MYO5B: variants seen among roughly 807,000 people sequenced by gnomAD.
MYO5B encodes unconventional myosin-Vb.
Under a neutral mutation model 229.3 loss-of-function variants are expected in MYO5B, and 143 were observed. The observed-to-expected ratio is 0.62, with a 90% confidence interval of 0.54 to 0.72. The LOEUF is 0.72. Among genes scored for constraint, MYO5B ranks in the 30% least tolerant of loss-of-function variants. MYO5B has a pLI of 0.00. For missense variants in MYO5B, 2,321 were observed against 2,331.0 expected, an observed-to-expected ratio of 1.00 and a Z score of 0.09; for synonymous variants, 918 against 885.2, an observed-to-expected ratio of 1.04 and a Z score of -0.66.
At position 49,826,747 on chromosome 18, in the gene MYO5B, C is replaced by T. The variant is rs987079118; in HGVS notation, c.5395-124G>A. 4.3e-6 allele frequency: 5 copies of T among 1,170,776 alleles called. No homozygotes were observed. In the African/African-American group the frequency reaches 4.6e-5, roughly 11 times the overall value. 72.5% of individuals were successfully genotyped at this position (1,170,776 alleles called of 1,614,324 possible). On this transcript the variant is annotated intron_variant, in intron 39 of 39. Coordinates refer to ENST00000285039, the MANE Select transcript of MYO5B (RefSeq NM_001080467.3). The stretch of plus-strand genomic sequence containing the variant: ...TTTCTACGACAATTAGGTAGAACTT[C>T]AGGACTAGGAGAATGTGATCTCCTC...
chr18:49,906,626 G>A lies in MYO5B; in HGVS notation c.2207C>T (p.Pro736Leu). Reference sequence around the variant, plus strand: ...GGTGCGGCCAAACTGGAACTTGTCGGGGTCCTTTACAAGGTAGGGAGGGGA... The same window carrying A: ...GGTGCGGCCAAACTGGAACTTGTCGAGGTCCTTTACAAGGTAGGGAGGGGA... The part of the protein sequence containing the change: ...RSVLENLIKD[P>L]DKFQFGRTKI... The change falls in exon 19 of 40, where the codon CCC becomes CTC. Residue 736 changes from proline to leucine, a missense_variant. Pro to Leu is a moderately conservative substitution (Grantham distance 98). Around this residue, in one of 2 missense-constraint regions of MYO5B, gnomAD observed 2,113 missense variants for 2,044.7 expected, o/e 1.03. Transcript: ENST00000285039. 1 of 1,613,802 alleles carries A rather than the reference G, an allele frequency of 6.2e-7. No homozygotes were observed. The highest frequency in any genetic ancestry group is 8.5e-7 in the Non-Finnish European group (1 of 1,179,856).
At chr18:49,907,770 C>G (rs1008706021) in intron 18 of MYO5B, among the ~76,000 whole-genome samples, 1 of 152,288 alleles carries the variant, frequency 6.6e-6, no homozygotes, top group African/African-American at 2.4e-5. Flanking sequence ...TGCAGCAGAG[C>G]TTCCAGCTTG....
chr18:50,187,514 T>A (rs2033164547), intron 1 of MYO5B, among the ~76,000 whole-genome samples: 1 of 152,008 alleles, frequency 6.6e-6, no homozygotes, highest in Non-Finnish European at 1.5e-5. Context: ...AAATGCTTTT[T>A]TTGGGGGGGT....
chr18:50,156,393 T>C (rs2032679781), intron 1 of MYO5B, among the ~76,000 whole-genome samples: 1 of 152,152 alleles, frequency 6.6e-6, no homozygotes, highest in Admixed American at 6.5e-5. Flanking sequence ...TGGGAGCAGT[T>C]TCCCCCATTC....
rs1599056439 is a variant in MYO5B, at chr18:50,147,255, T to C, written c.27+47512A>G. ...CTTCTTCCAACTACCCAAGTCAGGA[T>C]CCTAGGAGTCACCCTTAGCTCGCTC... On this transcript the variant is annotated intron_variant, in intron 1 of 39. Transcript: ENST00000285039. 3.3e-5 allele frequency among the ~76,000 whole-genome samples: 5 copies of C among 152,204 alleles called. No homozygotes were observed. In the South Asian group the frequency reaches 8.3e-4, roughly 25 times the overall value.
chr18:49,989,172 C>T (rs766807189), intron 7 of MYO5B, among the ~76,000 whole-genome samples: 2 of 152,106 alleles, frequency 1.3e-5, no homozygotes, highest in African/African-American at 2.4e-5. Context: ...GATGAACAAA[C>T]GCAAGAATTA....
At chr18:49,929,667 CAAA>C (rs996149084) in intron 16 of MYO5B, 69 bp from the exon 17 acceptor site, 1 of 1,349,566 alleles carries the variant, frequency 7.4e-7, no homozygotes, top group Non-Finnish European at 1.0e-6. Context: ...AAAAAAGAAA[CAAA>C]AAAGAATCTT....
intron 1 of MYO5B, among the ~76,000 whole-genome samples, chr18:50,166,693 A>G (rs1191489935): frequency 6.6e-6 from 1 of 152,160 alleles, no homozygotes; most frequent in Middle Eastern, 3.2e-3. Flanking sequence ...GAAACCATTT[A>G]TCAGTTTGAA....
chr18:49,984,622 C>T lies in MYO5B; in HGVS notation c.946+96G>A, dbSNP rs185800424. On this transcript the variant is annotated intron_variant, in intron 8 of 39. Transcript: ENST00000285039. ...AGAGGGCATCTCCCATTAGCTCCTG[C>T]AGGTTGCTGGCAAGCACAGTGGGAC... is the stretch of plus-strand genomic sequence containing the variant. The T allele has an allele frequency of 5.1e-4, 472 of 929,910 alleles. 2 individuals are homozygous for T. Among genetic ancestry groups the T allele is most frequent in the Non-Finnish European group, 8.0e-4 (448 of 560,344 alleles). 57.6% of individuals were successfully genotyped at this position (929,910 alleles called of 1,614,324 possible). A position where few individuals can be genotyped will look rare whatever the true frequency, so the allele number is the denominator to read the frequency against.
rs767053694 is a variant in MYO5B, at chr18:50,083,075, C to T, written c.28-27697G>A. Among the ~76,000 whole-genome samples, 69 of 152,304 alleles carry T rather than the reference C, an allele frequency of 4.5e-4. 1 individual carries two copies. Among genetic ancestry groups the T allele is most frequent in the Admixed American group, 1.3e-4 (2 of 15,300 alleles). On this transcript the variant is annotated intron_variant, in intron 1 of 39. Coordinates refer to ENST00000285039, the MANE Select transcript of MYO5B (RefSeq NM_001080467.3). The stretch of plus-strand genomic sequence containing the variant: ...CTTCAGGCTCAGTAATTTACCAGAA[C>T]AGCTTGTAGAGCTTAGGTAAGTGCT...
At chr18:50,052,462 A>C (rs1207134795) in intron 2 of MYO5B, among the ~76,000 whole-genome samples, 1 of 149,008 alleles carries the variant, frequency 6.7e-6, no homozygotes, top group Middle Eastern at 3.4e-3. Flanking sequence ...AGGACAAAAA[A>C]CCAAACACCG....
intron 1 of MYO5B, among the ~76,000 whole-genome samples, chr18:50,081,914 C>G (rs1568099316): frequency 6.6e-6 from 1 of 152,138 alleles, no homozygotes; most frequent in Non-Finnish European, 1.5e-5. Context: ...CCACACTTCC[C>G]AAATTCTTGG....
At chr18:50,009,012 T>C (rs997023170) in intron 4 of MYO5B, among the ~76,000 whole-genome samples, 1 of 152,192 alleles carries the variant, frequency 6.6e-6, no homozygotes, top group African/African-American at 2.4e-5. Context: ...TGGAGAGTAT[T>C]AATACTTGGA....
In MYO5B at chr18:49,905,795, T is replaced by C. The variant is rs114519102; in HGVS notation, c.2414+624A>G. Among the ~76,000 whole-genome samples the C allele has an allele frequency of 2.9e-3, 449 of 152,260 alleles. 4 individuals are homozygous for C. Among genetic ancestry groups the C allele is most frequent in the African/African-American group, 9.3e-3 (385 of 41,554 alleles). On this transcript the variant is annotated intron_variant, in intron 19 of 39. Coordinates refer to ENST00000285039, the MANE Select transcript of MYO5B (RefSeq NM_001080467.3). Reference sequence around the variant, plus strand: ...GTCTTGGCTGACACACTCCTGCTGCTGTAGTGCCTCATCAGCCCAGTGTCC... The same window carrying C: ...GTCTTGGCTGACACACTCCTGCTGCCGTAGTGCCTCATCAGCCCAGTGTCC...
At chr18:49,847,079 G>A (rs1185560576) in intron 33 of MYO5B, 67 bp downstream of exon 33, 2 of 1,601,026 alleles carry the variant, frequency 1.2e-6, no homozygotes, top group Non-Finnish European at 8.5e-7. Context: ...GGTTGTGCTG[G>A]GGATGGAGAT....
intron 1 of MYO5B, among the ~76,000 whole-genome samples, chr18:50,096,154 T>C (rs1370884396): frequency 6.6e-6 from 1 of 152,164 alleles, no homozygotes; most frequent in Non-Finnish European, 1.5e-5. Flanking sequence ...ACATTTAACC[T>C]TATGTTGAAC....
At chr18:49,917,271 G>A (rs1442361256) in intron 17 of MYO5B, among the ~76,000 whole-genome samples, 1 of 152,194 alleles carries the variant, frequency 6.6e-6, no homozygotes, top group Non-Finnish European at 1.5e-5. Context: ...GCCAATTACA[G>A]TTTTAAAAAT....
intron 21 of MYO5B, among the ~76,000 whole-genome samples, chr18:49,897,881 C>A (rs560509371): frequency 6.6e-6 from 1 of 152,286 alleles, no homozygotes; most frequent in Admixed American, 6.5e-5. Context: ...TGGACCTTCA[C>A]ATTCACTCAC....
chr18:49,970,840 A>T (rs1222662574), intron 10 of MYO5B: 2 of 152,122 alleles, frequency 1.3e-5, no homozygotes, highest in East Asian at 1.9e-4. Flanking sequence ...CCCATTTCCA[A>T]CCTGAGAGGG....
Sources: allele counts gnomAD v4.1 joint callset (sites outside exome capture counted in the v4.1 genomes callset), GRCh38; gene constraint gnomAD v4.1.1; regional missense constraint gnomAD v4.1.1; transcripts MANE v1.5; gene names NCBI Gene and HGNC (gene_info 2026-07-23, HGNC 2026-07-21).